AKT3: variants seen among roughly 807,000 people sequenced by gnomAD.
AKT3 encodes RAC-gamma serine/threonine-protein kinase.
AKT3 carries 15 observed loss-of-function variants against 65.3 expected under a neutral mutation model. The ratio of observed to expected loss-of-function variants is 0.23; its 90% CI spans 0.15 to 0.35. The LOEUF (loss-of-function observed/expected upper bound fraction) is 0.35. Among genes scored for constraint, AKT3 ranks in the 10% least tolerant of loss-of-function variants. AKT3 has a pLI of 1.00. For missense variants in AKT3, 243 were observed against 576.5 expected (o/e 0.42, Z 5.92); for synonymous variants, 206 against 183.8 (o/e 1.12, Z -0.98).
chr1:243,598,105 A>G (rs537579696), intron 8 of AKT3, among the ~76,000 whole-genome samples: 42 of 152,280 alleles, frequency 2.8e-4, no homozygotes, highest in South Asian at 2.5e-3. Flanking sequence ...ACAGTACACC[A>G]TATCTTTGCA....
downstream of AKT3, among the ~76,000 whole-genome samples, chr1:243,498,944 C>T (rs1257702372): frequency 3.3e-5 from 5 of 152,246 alleles, no homozygotes; most frequent in African/African-American, 1.2e-4. Flanking sequence ...CTCTGGACTT[C>T]ACAATCTAGA....
rs146235001 is a variant in AKT3, at chr1:243,543,843, G to T, written c.1251+1667C>A. Among the ~76,000 whole-genome samples, 15 of 152,268 alleles carry T rather than the reference G, an allele frequency of 9.9e-5. 1 individual carries two copies. The highest frequency in any genetic ancestry group is 2.0e-4 in the Admixed American group (3 of 15,294). ...GATATGTGAGTTGAATCGAGTAGAG[G>T]TGTCTAATATGATGCACCTATTTTA... On this transcript the variant is annotated intron_variant, in intron 12 of 13. Transcript: ENST00000673466.
intron 8 of AKT3, among the ~76,000 whole-genome samples, chr1:243,584,357 G>A (rs911563051): frequency 2.0e-5 from 3 of 151,966 alleles, no homozygotes; most frequent in Non-Finnish European, 4.4e-5. Context: ...CAAACAAGAC[G>A]GATTCACAGT....
intron 10 of AKT3, among the ~76,000 whole-genome samples, chr1:243,556,301 A>G (rs1196300742): frequency 6.6e-6 from 1 of 152,196 alleles, no homozygotes; most frequent in Non-Finnish European, 1.5e-5. Context: ...AATTTCAAAG[A>G]ATGATATTGA....
At chr1:243,764,789 T>C (rs1689714281) in intron 2 of AKT3, among the ~76,000 whole-genome samples, 1 of 152,144 alleles carries the variant, frequency 6.6e-6, no homozygotes, top group Non-Finnish European at 1.5e-5. Flanking sequence ...TCTCATCATA[T>C]GTCTCCCAAG....
Position 243,775,909 on chromosome 1 carries a change from G to A in AKT3, c.46+67216C>T, listed in dbSNP as rs1690514994. Among the ~76,000 whole-genome samples, 3 of 152,094 alleles carry A rather than the reference G, an allele frequency of 2.0e-5. No homozygotes were observed. In the South Asian group the frequency reaches 6.2e-4, roughly 32 times the overall value. On this transcript the variant is annotated intron_variant, in intron 2 of 13. Transcript: ENST00000673466. ...AAAAGAAAATAAAAAATAAAGATTT[G>A]AATAAAAACAAATTAAAGGACTGCA...
chr1:243,533,385 A>C (rs1671677173), intron 12 of AKT3, among the ~76,000 whole-genome samples: 1 of 152,222 alleles, frequency 6.6e-6, no homozygotes, highest in Non-Finnish European at 1.5e-5. Context: ...AAGATGCAGA[A>C]GACTTAACAC....
chr1:243,499,700 C>T (rs368579841), downstream of AKT3: 9 of 1,368,710 alleles, frequency 6.6e-6, no homozygotes, highest in Non-Finnish European at 7.3e-6. Flanking sequence ...AATGAGAAGA[C>T]AAATAACATT....
At chr1:243,811,752 T>C (rs150167600) in intron 2 of AKT3, among the ~76,000 whole-genome samples, 2 of 152,264 alleles carry the variant, frequency 1.3e-5, no homozygotes, top group East Asian at 3.9e-4. Context: ...GGAGGCATCA[T>C]ACTACCTGTC....
intron 4 of AKT3, among the ~76,000 whole-genome samples, chr1:243,654,787 C>T (rs943664312): frequency 1.3e-5 from 2 of 152,046 alleles, no homozygotes; most frequent in African/African-American, 4.8e-5. Flanking sequence ...TTATTCCATC[C>T]CACATATTGA....
intron 12 of AKT3, among the ~76,000 whole-genome samples, chr1:243,524,302 G>A (rs1252752859): frequency 6.6e-6 from 1 of 152,142 alleles, no homozygotes; most frequent in East Asian, 1.9e-4. Context: ...TGGTGTTTTG[G>A]CCACTGGTGC....
At position 243,843,190 on chromosome 1, in the gene AKT3, C is replaced by A. The variant is rs1456426556; in HGVS notation, c.-20G>T. On this transcript the variant is annotated 5_prime_UTR_variant, in exon 2 of 14. Transcript: ENST00000673466. The stretch of plus-strand genomic sequence containing the variant: ...GCTCATGATGACTCCCCTCTGAGCC[C>A]CCAACTTGGAGAAATGGTACTTTGT... The A allele has an allele frequency of 2.5e-6, 4 of 1,610,348 alleles. No individual in the cohort carries two copies. The Admixed American group carries it at 5.0e-5, about 20-fold the overall frequency.
intron 2 of AKT3, among the ~76,000 whole-genome samples, chr1:243,839,332 G>A (rs1022518624): frequency 3.3e-5 from 5 of 152,080 alleles, no homozygotes; most frequent in East Asian, 1.9e-4. Flanking sequence ...CTACAGGCTC[G>A]TCTTTGAGTA....
chr1:243,787,285 A>G (rs766017947), intron 2 of AKT3, among the ~76,000 whole-genome samples: 10 of 152,232 alleles, frequency 6.6e-5, no homozygotes, highest in Non-Finnish European at 1.5e-4. Context: ...AATATCTGAT[A>G]AAGGTAAAAA....
chr1:243,762,028 T>C (rs1257319702), intron 2 of AKT3, among the ~76,000 whole-genome samples: 4 of 152,086 alleles, frequency 2.6e-5, no homozygotes, highest in African/African-American at 9.7e-5. Flanking sequence ...ACCTGGCAAC[T>C]GTAAATGAAT....
intron 13 of AKT3, among the ~76,000 whole-genome samples, chr1:243,492,455 C>G (rs935835455): frequency 9.9e-5 from 15 of 151,638 alleles, no homozygotes; most frequent in African/African-American, 3.6e-4. Flanking sequence ...GCACCCACCA[C>G]CACACCTAGC....
At chr1:243,703,541 ACTT>A (rs1685597460) in intron 2 of AKT3, among the ~76,000 whole-genome samples, 1 of 151,978 alleles carries the variant, frequency 6.6e-6, no homozygotes, top group East Asian at 1.9e-4. Context: ...CAGGCGGATC[ACTT>A]GAGGCCAGGA....
intron 2 of AKT3, among the ~76,000 whole-genome samples, chr1:243,815,156 T>C (rs565477506): frequency 6.6e-6 from 1 of 152,338 alleles, no homozygotes; most frequent in African/African-American, 2.4e-5. Context: ...TTTCAAGCCC[T>C]ACAGTTCCCT....
chr1:243,823,682 A>G (rs879369306), intron 2 of AKT3, among the ~76,000 whole-genome samples: 1 of 152,204 alleles, frequency 6.6e-6, no homozygotes, highest in Non-Finnish European at 1.5e-5. Context: ...TGCTACAAAG[A>G]GAACAAAATA....
Sources: gnomAD v4.1 joint callset for allele counts (sites outside exome capture counted in the v4.1 genomes callset) on GRCh38, gnomAD v4.1.1 for gene constraint, MANE v1.5 for transcripts, NCBI Gene and HGNC (gene_info 2026-07-23, HGNC 2026-07-21) for gene names.